Variants in CMIP observed in about 807,000 individuals in gnomAD.
The protein encoded by CMIP is C-Maf-inducing protein.
CMIP carries 13 observed loss-of-function variants against 97.3 expected under a neutral mutation model. The ratio of observed to expected loss-of-function variants is 0.13; its 90% confidence interval spans 0.09 to 0.21. The LOEUF is 0.21. Among genes scored for constraint, CMIP ranks in the 10% least tolerant of loss-of-function variants. CMIP has a pLI of 1.00. For synonymous variants in CMIP, 538 were observed against 436.3 expected, an observed-to-expected ratio of 1.23 and a Z score of -2.91; for missense variants, 847 against 1,024.9, an observed-to-expected ratio of 0.83 and a Z score of 2.37.
chr16:81,582,551 T>C (rs551591307), intron 1 of CMIP, among the ~76,000 whole-genome samples: 1 of 152,230 alleles, frequency 6.6e-6, no homozygotes, highest in South Asian at 2.1e-4. Flanking sequence ...ACCTTGTTGA[T>C]GGTAAACGGA....
chr16:81,566,901 C>G (rs2090993336), intron 1 of CMIP, among the ~76,000 whole-genome samples: 1 of 152,104 alleles, frequency 6.6e-6, no homozygotes, highest in Admixed American at 6.5e-5. Flanking sequence ...GTGTATTATT[C>G]CAGTTATAGG....
At chr16:81,532,292 T>C (rs530124106) in intron 1 of CMIP, among the ~76,000 whole-genome samples, 1 of 152,304 alleles carries the variant, frequency 6.6e-6, no homozygotes, top group African/African-American at 2.4e-5. Flanking sequence ...GTGTGTTAGG[T>C]AGAAGTGTGT....
At chr16:81,455,075 A>G (rs1906461254) in intron 1 of CMIP, among the ~76,000 whole-genome samples, 1 of 152,222 alleles carries the variant, frequency 6.6e-6, no homozygotes, top group Non-Finnish European at 1.5e-5. Context: ...GTGTGGGGTG[A>G]TTAATGCTGG....
At chr16:81,633,965 G>T (rs139057178) in intron 3 of CMIP, among the ~76,000 whole-genome samples, 1 of 152,162 alleles carries the variant, frequency 6.6e-6, no homozygotes, top group African/African-American at 2.4e-5. Flanking sequence ...CATCCAAGAG[G>T]GTCCTTATCA....
intron 1 of CMIP, among the ~76,000 whole-genome samples, chr16:81,487,744 G>GA (rs1241677094): frequency 6.6e-6 from 1 of 152,192 alleles, no homozygotes; most frequent in African/African-American, 2.4e-5. Context: ...AGGATTAAAG[G>GA]AAAAAACCCA....
At chr16:81,563,649 A>G (rs2090927353) in intron 1 of CMIP, among the ~76,000 whole-genome samples, 1 of 152,204 alleles carries the variant, frequency 6.6e-6, no homozygotes, top group Non-Finnish European at 1.5e-5. Flanking sequence ...ATGCTGTTGC[A>G]TGGCAATCGG....
chr16:81,655,021 C>G lies in CMIP; in HGVS notation c.639+2657C>G, dbSNP rs4889357. ...GGGTCTGAGACGAGTACCTATTTCA[C>G]AGAATTGAAGATGCGATCCTCTCAT... On this transcript the variant is annotated intron_variant, in intron 4 of 20. Coordinates refer to ENST00000537098, the MANE Select transcript of CMIP (RefSeq NM_198390.3). This position sits in a 1 kb window ranked among gnomAD's most constrained non-coding sequence, Gnocchi z 4.9. Among the ~76,000 whole-genome samples, 1 of 152,056 alleles carries G rather than the reference C, an allele frequency of 6.6e-6. No individual in the cohort carries two copies. Among genetic ancestry groups the G allele is most frequent in the Non-Finnish European group, 1.5e-5 (1 of 68,020 alleles).
intron 10 of CMIP, among the ~76,000 whole-genome samples, chr16:81,689,635 C>T (rs1344186017): frequency 6.6e-6 from 1 of 152,168 alleles, no homozygotes. Context: ...GTTTCTTTTG[C>T]TGTGCAGAAG....
intron 1 of CMIP, among the ~76,000 whole-genome samples, chr16:81,474,402 C>T (rs1907756471): frequency 6.6e-6 from 1 of 152,126 alleles, no homozygotes; most frequent in African/African-American, 2.4e-5. Flanking sequence ...CTCTTTCCTT[C>T]ACTCCCTTCC....
chr16:81,579,239 G>A (rs1597110538), intron 1 of CMIP, among the ~76,000 whole-genome samples: 1 of 152,306 alleles, frequency 6.6e-6, no homozygotes, highest in East Asian at 1.9e-4. Flanking sequence ...GGTGGTGGCG[G>A]TCCTTGCAAG....
intron 5 of CMIP, among the ~76,000 whole-genome samples, chr16:81,658,267 C>T (rs1375749500): frequency 5.3e-5 from 8 of 152,208 alleles, no homozygotes; most frequent in Non-Finnish European, 1.2e-4. Context: ...GGGACTCTAC[C>T]ATGATGTAAG....
intron 15 of CMIP, among the ~76,000 whole-genome samples, chr16:81,700,355 CCT>C (rs1290397929): frequency 6.6e-6 from 1 of 152,136 alleles, no homozygotes; most frequent in East Asian, 1.9e-4. Context: ...TGCTGCTGCT[CCT>C]CTCTCTCCCT....
chr16:81,458,624 C>T (rs955754572), intron 1 of CMIP, among the ~76,000 whole-genome samples: 3 of 152,174 alleles, frequency 2.0e-5, no homozygotes, highest in African/African-American at 2.4e-5. Context: ...TTCCCCATTA[C>T]GTCTTGCAGG....
chr16:81,498,942 T>C (rs1044365262), intron 1 of CMIP, among the ~76,000 whole-genome samples: 1 of 152,240 alleles, frequency 6.6e-6, no homozygotes, highest in Non-Finnish European at 1.5e-5. Context: ...CACACATGCA[T>C]ACCATTTAGT....
intron 1 of CMIP, among the ~76,000 whole-genome samples, chr16:81,536,371 C>G (rs188232618): frequency 2.0e-5 from 3 of 152,196 alleles, no homozygotes; most frequent in African/African-American, 4.8e-5. Flanking sequence ...TGTGTGCTTG[C>G]TATTCGGTAC....
chr16:81,538,546 G>A (rs932393345), intron 1 of CMIP, among the ~76,000 whole-genome samples: 1 of 152,182 alleles, frequency 6.6e-6, no homozygotes. Flanking sequence ...TTTAAGAAGA[G>A]CCTGGTTTTG....
Position 81,626,813 on chromosome 16 carries a change from GT to G in CMIP, c.477+5888del, listed in dbSNP as rs754084779. Among the ~76,000 whole-genome samples, 189 of 138,490 alleles carry G rather than the reference GT, an allele frequency of 1.4e-3. 2 individuals carry two copies. Among genetic ancestry groups the G allele is most frequent in the Admixed American group, 0.01 (138 of 13,628 alleles). The allele number at this position is 138,490 out of a possible 152,430, so 90.9% of individuals were successfully genotyped here. A position where few individuals can be genotyped will look rare whatever the true frequency, so the allele number is the denominator to read the frequency against. On this transcript the variant is annotated intron_variant, in intron 3 of 20. Transcript: ENST00000537098. ...AGTGTGTGTGTGTGTGTGTGTGTGT[GT>G]GTGGGGTGCATATGGGGTGACTATT...
At chr16:81,571,829 T>C (rs2091095827) in intron 1 of CMIP, among the ~76,000 whole-genome samples, 1 of 152,178 alleles carries the variant, frequency 6.6e-6, no homozygotes, top group African/African-American at 2.4e-5. Flanking sequence ...AGCCTCTCCC[T>C]TGATGCCCAG....
intron 1 of CMIP, among the ~76,000 whole-genome samples, chr16:81,499,823 C>T (rs2089562960): frequency 6.6e-6 from 1 of 152,268 alleles, no homozygotes. Context: ...CAGCAACTCG[C>T]AGTTGTTGCC....
Sources: gnomAD v4.1 joint callset for allele counts (sites outside exome capture counted in the v4.1 genomes callset) on GRCh38, gnomAD v4.1.1 for gene constraint, Gnocchi (gnomAD v3.1) non-coding constraint, MANE v1.5 for transcripts, NCBI Gene and HGNC (gene_info 2026-07-23, HGNC 2026-07-21) for gene names.